The following KIF21B variants were observed in gnomAD, a reference collection of about 807,000 sequenced individuals.
The protein encoded by KIF21B is kinesin-like protein KIF21B.
A neutral mutation model predicts 192.9 loss-of-function variants in KIF21B; 85 were observed. That is an observed-to-expected ratio of 0.44 (90% CI 0.37 to 0.53). The LOEUF (loss-of-function observed/expected upper bound fraction) is 0.53. Among genes scored for constraint, KIF21B ranks in the 20% least tolerant of loss-of-function variants. The pLI is 0.00. For missense variants in KIF21B, 1,716 were observed against 2,194.8 expected, an observed-to-expected ratio of 0.78 and a Z score of 4.36; for synonymous variants, 832 against 884.6, an observed-to-expected ratio of 0.94 and a Z score of 1.05.
At position 201,008,817 on chromosome 1, in the gene KIF21B, C is replaced by T. The variant is rs965073968; in HGVS notation, c.399G>A (p.Glu133=). The T allele has an allele frequency of 6.2e-7, 1 of 1,606,588 alleles. No homozygotes were observed. The highest frequency in any genetic ancestry group is 8.5e-7 in the Non-Finnish European group (1 of 1,179,932). ...GIAERKRRAQ[E]QGVAGPEFKV... ...TGAACTCAGGTCCAGCCACGCCCTG[C>T]TCCTGTGCCCGGCGCTTGCGCTCGG... is the stretch of plus-strand genomic sequence containing the variant. The change falls in exon 3 of 35, where the codon GAG becomes GAA. Residue 133 remains glutamate (E), a synonymous_variant. Coordinates refer to ENST00000461742, the MANE Select transcript of KIF21B (RefSeq NM_001252102.2).
intron 8 of KIF21B, 91 bp downstream of exon 8, chr1:201,003,495 G>A: frequency 7.6e-7 from 1 of 1,320,326 alleles, no homozygotes; most frequent in Non-Finnish European, 1.1e-6. Context: ...GAGGGATGCT[G>A]AGGAAGTTAG....
chr1:200,994,391 T>C (rs539801485), intron 15 of KIF21B, among the ~76,000 whole-genome samples: 53 of 148,878 alleles, frequency 3.6e-4, no homozygotes, highest in African/African-American at 1.2e-3. Flanking sequence ...GTGTCTGATT[T>C]GAATCCTCGG....
Position 200,979,764 on chromosome 1 carries a change from T to C in KIF21B, c.3980-49A>G, listed in dbSNP as rs114377499. On this transcript the variant is annotated intron_variant, in intron 29 of 34. Transcript: ENST00000461742. ...CAGGGAGGGGAGGGATGTCAGCCAC[T>C]AGGGGGCGCAGCTCCACCTCTGCAG... is the stretch of plus-strand genomic sequence containing the variant. The C allele has an allele frequency of 1.0e-3, 1,486 of 1,450,828 alleles. 6 individuals are homozygous for C. Among genetic ancestry groups the C allele is most frequent in the African/African-American group, 8.0e-3 (552 of 69,018 alleles). The allele number at this position is 1,450,828 out of a possible 1,614,324, so 89.9% of individuals were successfully genotyped here. A position where few individuals can be genotyped will look rare whatever the true frequency, so the allele number is the denominator to read the frequency against.
rs148119483 is a variant in KIF21B at position 200,980,459 on chromosome 1, C to T, written c.3979+501G>A. Among the ~76,000 whole-genome samples, 1,356 of 152,322 alleles carry T rather than the reference C, an allele frequency of 8.9e-3. 26 individuals are homozygous for T. Among genetic ancestry groups the T allele is most frequent in the African/African-American group, 0.031 (1,294 of 41,564 alleles). On this transcript the variant is annotated intron_variant, in intron 29 of 34. Transcript: ENST00000461742. The stretch of plus-strand genomic sequence containing the variant: ...GAGACAGGATCTCACTATTTGCCCA[C>T]GCAGGTAGTCTCAAACTCCTGGGCT...
rs1317745428 is a variant in KIF21B at position 200,990,431 on chromosome 1, TC to T, written c.2836-100del. 5 of 1,464,812 alleles carry T rather than the reference TC, an allele frequency of 3.4e-6. No individual in the cohort carries two copies. The highest frequency in any genetic ancestry group is 2.8e-6 in the Non-Finnish European group (3 of 1,079,024). 90.7% of individuals were successfully genotyped at this position (1,464,812 alleles called of 1,614,324 possible). On this transcript the variant is annotated intron_variant, in intron 19 of 34. Transcript: ENST00000461742. This position sits in a 1 kb window ranked among gnomAD's most constrained non-coding sequence, Gnocchi z 5.4. Reference sequence around the variant, plus strand: ...TTCCACCACAGGCTGGCCTGTGAGGTCCCCCCAGCACCTCTGGATTCCAGAG... The same window carrying T: ...TTCCACCACAGGCTGGCCTGTGAGGTCCCCCAGCACCTCTGGATTCCAGAG...
intron 15 of KIF21B, among the ~76,000 whole-genome samples, chr1:200,995,055 G>T (rs955107073): frequency 6.6e-6 from 1 of 152,210 alleles, no homozygotes; most frequent in African/African-American, 2.4e-5. Context: ...CTCCGGACCT[G>T]CAGCCCAGGC....
chr1:200,986,217 AGG>A (rs1490265235), intron 26 of KIF21B, among the ~76,000 whole-genome samples: 2 of 152,162 alleles, frequency 1.3e-5, no homozygotes, highest in Non-Finnish European at 2.9e-5. Context: ...GGTCATGAAA[AGG>A]GGCTGAAGCA....
At chr1:200,985,066 C>T (rs1402181315) in intron 26 of KIF21B, 94 bp from the exon 27 acceptor site, 6 of 769,010 alleles carry the variant, frequency 7.8e-6, no homozygotes, top group Non-Finnish European at 1.0e-5. Flanking sequence ...CCTTGTGAGG[C>T]CCGCAGGACA....
In KIF21B at chr1:201,002,338, T is replaced by A; in HGVS notation, c.1225A>T (p.Ile409Leu). Residue 409 changes from isoleucine to leucine, a missense_variant, in exon 9 of 35, where the codon ATA becomes TTA. By Grantham distance (5) the Ile-to-Leu change is conservative. Coordinates refer to ENST00000461742, the MANE Select transcript of KIF21B (RefSeq NM_001252102.2). ...TAGCCCTCAGCGCCATCCTCTCCTA[T>A]CACTCGCTTGCCCTGGGAGCAGGGG... ...LMEYKAGKRVIGEDGAEGYSD... is the reference protein window; with the variant it reads ...LMEYKAGKRVLGEDGAEGYSD... 1 of 1,613,014 alleles carries A rather than the reference T, an allele frequency of 6.2e-7. No individual in the cohort carries two copies. The highest frequency in any genetic ancestry group is 1.1e-5 in the South Asian group (1 of 91,068).
At chr1:201,009,143 C>A in intron 2 of KIF21B, 123 bp downstream of exon 2, 1 of 1,160,730 alleles carries the variant, frequency 8.6e-7, no homozygotes, top group Non-Finnish European at 1.2e-6. Context: ...GCAACGGCCT[C>A]CTTAGACAAT....
rs1655625781 is a variant in KIF21B, at chr1:200,977,335, G to A, written c.4202C>T (p.Thr1401Ile). Residue 1401 changes from threonine (T) to isoleucine (I), a missense_variant, in exon 31 of 35, where the codon ACA becomes ATA. Thr to Ile is a moderately conservative substitution (Grantham distance 89). Transcript: ENST00000461742. ...AGCACTGGTGATGGCACGGGTGGAT[G>A]TGGCGGCACAGGCATCCCCTGAGAT... The part of the protein sequence containing the change: ...QVISGDACAA[T>I]STRAITSAQG... 1 of 1,614,264 alleles carries A rather than the reference G, an allele frequency of 6.2e-7. No individual in the cohort carries two copies. Among genetic ancestry groups the A allele is most frequent in the South Asian group, 1.1e-5 (1 of 91,092 alleles).
Position 200,991,743 on chromosome 1 carries a change from G to A in KIF21B, c.2386-18C>T, listed in dbSNP as rs768709287. The A allele has an allele frequency of 3.1e-6, 5 of 1,613,516 alleles. No individual in the cohort carries two copies. Among genetic ancestry groups the A allele is most frequent in the Middle Eastern group, 1.7e-4 (1 of 6,048 alleles). ...ATCTGAAACTGTGGGAGACAGAAGA[G>A]GGCTGGGCTCCACACTCAGGCACCT... On this transcript the variant is annotated intron_variant, in intron 16 of 34. Transcript: ENST00000461742.
Position 201,002,598 on chromosome 1 carries a change from CT to C in KIF21B, c.1213-249del, listed in dbSNP as rs1293616686. ...CCAGCCACTGAAGGCCTCTCACAAT[CT>C]TACTTGACCTAACTTTCCACAGTGT... On this transcript the variant is annotated intron_variant, in intron 8 of 34. Transcript: ENST00000461742. 16 of 495,134 alleles carry C rather than the reference CT, an allele frequency of 3.2e-5. No individual in the cohort carries two copies. In the East Asian group the frequency reaches 4.5e-4, roughly 14 times the overall value. The allele number at this position is 495,134 out of a possible 1,614,324, so 30.7% of individuals were successfully genotyped here.
rs755123763 is a variant in KIF21B, at chr1:200,976,898, A to C, written c.4326-5T>G. ...AGCTTGCCGACAGGCTGGAACCTGC[A>C]GTGGGAAGAGGCCCAGCCAGGGGTA... On this transcript the variant is annotated splice_region_variant and splice_polypyrimidine_tract_variant and intron_variant, in intron 31 of 34. Transcript: ENST00000461742. 6.3e-7 allele frequency: 1 copy of C among 1,598,812 alleles called. No individual in the cohort carries two copies.
chr1:200,980,636 T>C (rs1481740143), intron 29 of KIF21B, among the ~76,000 whole-genome samples: 1 of 152,022 alleles, frequency 6.6e-6, no homozygotes, highest in Non-Finnish European at 1.5e-5. Context: ...TCATAGGGAG[T>C]GCCTAGATGT....
rs1445710682 is a variant in KIF21B, at chr1:200,969,606, A to T, written c.*3915T>A. 6.5e-6 allele frequency: 1 copy of T among 152,744 alleles called. No homozygotes were observed. The highest frequency in any genetic ancestry group is 1.5e-5 in the Non-Finnish European group (1 of 68,068). The allele number at this position is 152,744 out of a possible 1,614,324, so 9.5% of individuals were successfully genotyped here. A position where few individuals can be genotyped will look rare whatever the true frequency, so the allele number is the denominator to read the frequency against. ...CTGGGCAGGACATGATTGCTAGAAA[A>T]GAGTTGGTGGGCAGGGCAGGGCCCT... On this transcript the variant is annotated 3_prime_UTR_variant, in exon 35 of 35. Coordinates refer to ENST00000461742, the MANE Select transcript of KIF21B (RefSeq NM_001252102.2).
At chr1:200,976,944 G>A in intron 31 of KIF21B, 51 bp from the exon 32 acceptor site, 1 of 1,390,770 alleles carries the variant, frequency 7.2e-7, no homozygotes, top group Non-Finnish European at 1.0e-6. Context: ...AGGGGACCCT[G>A]GGTTGGGGTG....
At chr1:201,011,953 A>G (rs1316948306) in intron 1 of KIF21B, among the ~76,000 whole-genome samples, 1 of 152,242 alleles carries the variant, frequency 6.6e-6, no homozygotes, top group East Asian at 1.9e-4. Context: ...GAGCCCTTCA[A>G]TGAGAGGGGC....
In KIF21B at chr1:200,986,990, C is replaced by T. The variant is rs199872671; in HGVS notation, c.3614+6G>A. 1.9e-3 allele frequency: 3,129 copies of T among 1,613,936 alleles called. 9 individuals are homozygous for T. Among genetic ancestry groups the T allele is most frequent in the South Asian group, 3.1e-3 (285 of 91,054 alleles). On this transcript the variant is annotated splice_donor_region_variant and intron_variant, in intron 25 of 34. Coordinates refer to ENST00000461742, the MANE Select transcript of KIF21B (RefSeq NM_001252102.2). ...CTCCAACCCACATTCCTGCTCCCAT[C>T]CTTACAAAGTGCTGCCCCGGGTAGG...
Sources: gnomAD v4.1 joint callset for allele counts (sites outside exome capture counted in the v4.1 genomes callset) on GRCh38, gnomAD v4.1.1 for gene constraint, Gnocchi (gnomAD v3.1) non-coding constraint, MANE v1.5 for transcripts, NCBI Gene and HGNC (gene_info 2026-07-23, HGNC 2026-07-21) for gene names.